LDLRAP1: variants seen among roughly 807,000 people sequenced by gnomAD.
LDLRAP1 encodes the protein low density lipoprotein receptor adapter protein 1.
Under a neutral mutation model 37.8 loss-of-function variants are expected in LDLRAP1, and 30 were observed. The observed-to-expected ratio is 0.79, with a 90% CI of 0.59 to 1.08. The LOEUF is 1.08. Among genes scored for constraint, LDLRAP1 ranks in the 50% least tolerant of loss-of-function variants. The pLI is 0.00. For missense variants in LDLRAP1, 375 were observed against 401.6 expected, an observed-to-expected ratio of 0.93 and a Z score of 0.57; for synonymous variants, 156 against 169.8, an observed-to-expected ratio of 0.92 and a Z score of 0.63.
the LDLRAP1 span, among the ~76,000 whole-genome samples, chr1:25,583,192 ATTT>A: frequency 6.9e-5 from 8 of 116,538 alleles, no homozygotes; most frequent in Admixed American, 8.5e-5. Flanking sequence ...TTTTTTGGGG[ATTT>A]TTTTTTTTTT....
intron 8 of LDLRAP1, among the ~76,000 whole-genome samples, chr1:25,566,586 T>A (rs1295748372): frequency 6.9e-6 from 1 of 143,978 alleles, no homozygotes. Flanking sequence ...TTCCTGGGCA[T>A]GTCCTGACTG....
chr1:25,563,640 A>T (rs780616142), intron 6 of LDLRAP1, 21 bp from the exon 7 acceptor site: 173 of 1,612,594 alleles, frequency 1.1e-4, no homozygotes, highest in Non-Finnish European at 1.4e-4. Context: ...CCCACTGACA[A>T]CCTGACCGGA....
chr1:25,543,667 T>TGCG lies in LDLRAP1; in HGVS notation c.-29_-27dup. 2 of 1,207,570 alleles carry TGCG rather than the reference T, an allele frequency of 1.7e-6. No homozygotes were observed. The highest frequency in any genetic ancestry group is 2.1e-6 in the Non-Finnish European group (2 of 971,538). The allele number at this position is 1,207,570 out of a possible 1,614,324, so 74.8% of individuals were successfully genotyped here. A position where few individuals can be genotyped will look rare whatever the true frequency, so the allele number is the denominator to read the frequency against. Reference sequence around the variant, plus strand: ...AAGTTTTTCCTGACGGAGTTTTGGCTGCGGCAGCGGCGGCGGCGGCCGGAG... The same window carrying TGCG: ...AAGTTTTTCCTGACGGAGTTTTGGCTGCGGCGGCAGCGGCGGCGGCGGCCGGAG... On this transcript the variant is annotated 5_prime_UTR_variant, in exon 1 of 9. Transcript: ENST00000374338.
chr1:25,579,441 G>A, the LDLRAP1 span, among the ~76,000 whole-genome samples: 4 of 152,214 alleles, frequency 2.6e-5, no homozygotes, highest in East Asian at 1.9e-4. Context: ...AAGAGGAGGC[G>A]GCGAGCTCAG....
chr1:25,577,796 C>G, the LDLRAP1 span, among the ~76,000 whole-genome samples: 1 of 152,222 alleles, frequency 6.6e-6, no homozygotes, highest in African/African-American at 2.4e-5. Flanking sequence ...ACCCTCGGAG[C>G]CTCATCTTCC....
chr1:25,577,914 G>A, the LDLRAP1 span, among the ~76,000 whole-genome samples: 20 of 152,346 alleles, frequency 1.3e-4, 1 homozygote, highest in South Asian at 4.1e-3. Flanking sequence ...ACCAGCTATT[G>A]GGACTGTTGT....
chr1:25,586,492 G>C, the LDLRAP1 span, among the ~76,000 whole-genome samples: 1 of 151,098 alleles, frequency 6.6e-6, no homozygotes, highest in Non-Finnish European at 1.5e-5. This position sits in a 1 kb window ranked among gnomAD's most constrained non-coding sequence, Gnocchi z 4.3. Context: ...GCGTGTGCGT[G>C]TGTGTGTGTG....
intron 1 of LDLRAP1, among the ~76,000 whole-genome samples, chr1:25,546,613 G>A (rs1339847810): frequency 6.6e-6 from 1 of 152,218 alleles, no homozygotes; most frequent in East Asian, 1.9e-4. Context: ...TCTTTCCAGA[G>A]GTACTGGGAT....
chr1:25,577,360 G>A, the LDLRAP1 span, among the ~76,000 whole-genome samples: 4 of 152,248 alleles, frequency 2.6e-5, no homozygotes, highest in Admixed American at 2.6e-4. Flanking sequence ...GGACGTGCCA[G>A]GACCACCAGG....
At chr1:25,545,984 CAG>C (rs938722533) in intron 1 of LDLRAP1, among the ~76,000 whole-genome samples, 2 of 152,202 alleles carry the variant, frequency 1.3e-5, no homozygotes, top group African/African-American at 4.8e-5. Context: ...GCTCCAGACA[CAG>C]AGCATCTAAG....
rs1304863785 is a variant in LDLRAP1, at chr1:25,544,035, CT to C, written c.88+250del. Among the ~76,000 whole-genome samples the C allele has an allele frequency of 6.6e-6, 1 of 152,142 alleles. No homozygotes were observed. The highest frequency in any genetic ancestry group is 1.5e-5 in the Non-Finnish European group (1 of 68,006). On this transcript the variant is annotated intron_variant, in intron 1 of 8. Coordinates refer to ENST00000374338, the MANE Select transcript of LDLRAP1 (RefSeq NM_015627.3). The surrounding 1 kb of genome is among the most constrained non-coding windows in gnomAD (Gnocchi z 4.8). Reference sequence around the variant, plus strand: ...GAGGAAGGAGCCCGAGCTCGGGGTCCTCAGGTGCAGCCGGCATGGGGTGGGG... The same window carrying C: ...GAGGAAGGAGCCCGAGCTCGGGGTCCCAGGTGCAGCCGGCATGGGGTGGGG...
chr1:25,552,704 T>C (rs904205346), intron 1 of LDLRAP1, among the ~76,000 whole-genome samples: 1 of 152,142 alleles, frequency 6.6e-6, no homozygotes, highest in African/African-American at 2.4e-5. Flanking sequence ...CCGGGGATGG[T>C]CAGAAACTGT....
At chr1:25,582,311 G>A in the LDLRAP1 span, among the ~76,000 whole-genome samples, 3 of 152,198 alleles carry the variant, frequency 2.0e-5, no homozygotes, top group Admixed American at 6.5e-5. Flanking sequence ...AATGGTCTGG[G>A]CGTGGTGGCT....
the LDLRAP1 span, among the ~76,000 whole-genome samples, chr1:25,574,672 G>A: frequency 6.6e-6 from 1 of 152,194 alleles, no homozygotes; most frequent in Non-Finnish European, 1.5e-5. Context: ...TGCCAGCCGA[G>A]CAAGAGGCTG....
chr1:25,589,742 G>T, the LDLRAP1 span, among the ~76,000 whole-genome samples: 1 of 152,318 alleles, frequency 6.6e-6, no homozygotes, highest in South Asian at 2.1e-4. Context: ...TGGCTGTCCA[G>T]TTTGCAAATG....
chr1:25,569,667 A>C (rs187016693), downstream of LDLRAP1, among the ~76,000 whole-genome samples: 2 of 152,364 alleles, frequency 1.3e-5, no homozygotes, highest in East Asian at 3.9e-4. Context: ...TAAAAATGGT[A>C]AAGTAAAATA....
chr1:25,571,512 A>G (rs539289831), downstream of LDLRAP1, among the ~76,000 whole-genome samples: 1 of 152,354 alleles, frequency 6.6e-6, no homozygotes, highest in South Asian at 2.1e-4. Flanking sequence ...CACACGTACC[A>G]GCTAGTTTAA....
chr1:25,547,216 C>T (rs563336190), intron 1 of LDLRAP1, among the ~76,000 whole-genome samples: 4 of 152,214 alleles, frequency 2.6e-5, no homozygotes, highest in South Asian at 2.1e-4. Flanking sequence ...GGCGCGGTGG[C>T]TCATGCCTGT....
downstream of LDLRAP1, among the ~76,000 whole-genome samples, chr1:25,572,318 C>A (rs2124711435): frequency 6.6e-6 from 1 of 152,276 alleles, no homozygotes; most frequent in Non-Finnish European, 1.5e-5. Flanking sequence ...TCCCTGCAGC[C>A]TGGGAGTCCA....
Sources: gnomAD v4.1 joint callset for allele counts (sites outside exome capture counted in the v4.1 genomes callset) on GRCh38, gnomAD v4.1.1 for gene constraint, Gnocchi (gnomAD v3.1) non-coding constraint, MANE v1.5 for transcripts, NCBI Gene and HGNC (gene_info 2026-07-23, HGNC 2026-07-21) for gene names.